WDR27: variants seen among roughly 807,000 people sequenced by gnomAD.
WDR27 encodes WD repeat domain 27, also known as WD repeat-containing protein 27.
A neutral mutation model predicts 114.4 loss-of-function variants in WDR27; 100 were observed. The observed-to-expected ratio is 0.87, with a 90% CI of 0.74 to 1.03. The LOEUF is 1.03. WDR27 is among the 50% of genes least tolerant of loss of function. WDR27 has a pLI of 0.00. For missense variants in WDR27, 1,129 were observed against 1,092.9 expected, an observed-to-expected ratio of 1.03 and a Z score of -0.47; for synonymous variants, 449 against 423.1, an observed-to-expected ratio of 1.06 and a Z score of -0.75.
At chr6:169,573,472 C>T (rs184954191) in intron 24 of WDR27, among the ~76,000 whole-genome samples, 2 of 152,204 alleles carry the variant, frequency 1.3e-5, no homozygotes, top group East Asian at 3.9e-4. Context: ...ATACAGCCCC[C>T]CAGGATGTGA....
At chr6:169,498,536 A>C (rs900974970) in intron 25 of WDR27, among the ~76,000 whole-genome samples, 1 of 152,244 alleles carries the variant, frequency 6.6e-6, no homozygotes, top group Admixed American at 6.5e-5. Flanking sequence ...AAAGCAAAAT[A>C]GGAGAAAATC....
chr6:169,553,790 A>G (rs1277193187), intron 25 of WDR27, among the ~76,000 whole-genome samples: 1 of 152,186 alleles, frequency 6.6e-6, no homozygotes, highest in Non-Finnish European at 1.5e-5. Context: ...TGGGGACGTT[A>G]CCGTTCACAT....
At chr6:169,627,602 C>T (rs1349432692) in intron 21 of WDR27, among the ~76,000 whole-genome samples, 3 of 152,212 alleles carry the variant, frequency 2.0e-5, no homozygotes, top group Non-Finnish European at 4.4e-5. Context: ...CCAGGCCCAG[C>T]GTCTCCATCC....
At chr6:169,655,232 G>A (rs1823795827) in intron 13 of WDR27, among the ~76,000 whole-genome samples, 1 of 152,248 alleles carries the variant, frequency 6.6e-6, no homozygotes, top group Non-Finnish European at 1.5e-5. Flanking sequence ...GGCAGGAGAG[G>A]CGGCGTGTGC....
In WDR27 at chr6:169,544,797, T is replaced by C. The variant is rs145179895; in HGVS notation, c.2645+27622A>G. On this transcript the variant is annotated intron_variant, in intron 25 of 25. Transcript: ENST00000448612. Reference sequence around the variant, plus strand: ...GTGGAAACCAACTTTTAAAACACAGTATTATTTACATTCATTCTAAAGAAA... The same window carrying C: ...GTGGAAACCAACTTTTAAAACACAGCATTATTTACATTCATTCTAAAGAAA... Among the ~76,000 whole-genome samples, 205 of 152,322 alleles carry C rather than the reference T, an allele frequency of 1.3e-3. 4 individuals carry two copies. In the East Asian group the frequency reaches 0.032, roughly 24 times the overall value.
intron 23 of WDR27, among the ~76,000 whole-genome samples, chr6:169,583,895 C>T (rs1025336380): frequency 3.3e-5 from 5 of 152,160 alleles, no homozygotes; most frequent in African/African-American, 1.2e-4. Context: ...TCTATCATCT[C>T]ACATCGCTAC....
rs193028754 is a variant in WDR27 at position 169,476,283 on chromosome 6, G to A, written c.2646-18649C>T. ...AATCCAGGGCTTGTGGCTCTTGAATGTGTCTAGACTTGCTGGCTCCTTGCT... is the reference window on the plus strand; with the variant it reads ...AATCCAGGGCTTGTGGCTCTTGAATATGTCTAGACTTGCTGGCTCCTTGCT... On this transcript the variant is annotated intron_variant, in intron 25 of 25. Transcript: ENST00000448612. Among the ~76,000 whole-genome samples, 284 of 152,310 alleles carry A rather than the reference G, an allele frequency of 1.9e-3. 2 individuals carry two copies. The highest frequency in any genetic ancestry group is 6.6e-3 in the African/African-American group (273 of 41,552).
chr6:169,626,642 C>T (rs565846742), intron 21 of WDR27, among the ~76,000 whole-genome samples: 5 of 152,348 alleles, frequency 3.3e-5, no homozygotes, highest in East Asian at 1.9e-4. Flanking sequence ...GACATCACGC[C>T]GCTTTCCACA....
intron 25 of WDR27, among the ~76,000 whole-genome samples, chr6:169,469,736 C>G (rs1444139907): frequency 2.0e-5 from 3 of 152,332 alleles, no homozygotes; most frequent in Middle Eastern, 3.4e-3. Context: ...AAGCACCTGA[C>G]AGGCTTCCTT....
chr6:169,542,858 A>G (rs1796997085), intron 25 of WDR27, among the ~76,000 whole-genome samples: 1 of 152,104 alleles, frequency 6.6e-6, no homozygotes, highest in Non-Finnish European at 1.5e-5. Context: ...CATATTTTAA[A>G]TAAAGTAATT....
intron 25 of WDR27, among the ~76,000 whole-genome samples, chr6:169,506,064 CAT>C (rs370613237): frequency 7.2e-4 from 110 of 152,286 alleles, no homozygotes; most frequent in African/African-American, 2.6e-3. Flanking sequence ...TGCTTTTGTA[CAT>C]TTTCCTTTGT....
At chr6:169,464,818 G>A (rs1410631439) in intron 25 of WDR27, among the ~76,000 whole-genome samples, 1 of 152,220 alleles carries the variant, frequency 6.6e-6, no homozygotes, top group Non-Finnish European at 1.5e-5. Context: ...AAATGCGCAA[G>A]AAGCACATGA....
chr6:169,473,488 C>T (rs1036949149), intron 25 of WDR27, among the ~76,000 whole-genome samples: 7 of 151,988 alleles, frequency 4.6e-5, no homozygotes, highest in Admixed American at 2.0e-4. Flanking sequence ...AAAGTACAAC[C>T]TAGAATGAGA....
intron 25 of WDR27, among the ~76,000 whole-genome samples, chr6:169,560,549 G>T (rs558358623): frequency 6.6e-6 from 1 of 152,326 alleles, no homozygotes; most frequent in Admixed American, 6.5e-5. Context: ...CAAGGTGTCG[G>T]GCACAGCCAG....
chr6:169,571,964 A>T (rs981788705), intron 25 of WDR27, among the ~76,000 whole-genome samples: 1 of 152,234 alleles, frequency 6.6e-6, no homozygotes, highest in East Asian at 1.9e-4. Flanking sequence ...TGGCACTGTC[A>T]GTCAGGAATT....
chr6:169,572,848 T>G (rs10806670), intron 24 of WDR27, among the ~76,000 whole-genome samples: 86,717 of 152,012 alleles, frequency 0.57, 27,190 homozygotes, highest in Non-Finnish European at 0.69. Flanking sequence ...AAAAAACATT[T>G]TATGCCCAAA....
intron 25 of WDR27, among the ~76,000 whole-genome samples, chr6:169,462,578 C>G (rs2115278113): frequency 6.6e-6 from 1 of 152,222 alleles, no homozygotes. Flanking sequence ...GAATTAACAC[C>G]ATTTTTTCTG....
chr6:169,650,639 T>C (rs993800871), intron 14 of WDR27, among the ~76,000 whole-genome samples: 1 of 138,752 alleles, frequency 7.2e-6, no homozygotes, highest in Non-Finnish European at 1.5e-5. Flanking sequence ...CCATCTCTTA[T>C]CCCTCCATCC....
chr6:169,677,255 T>C (rs567511192), intron 2 of WDR27, among the ~76,000 whole-genome samples: 7 of 152,348 alleles, frequency 4.6e-5, no homozygotes, highest in African/African-American at 1.4e-4. Flanking sequence ...AAGTCTCAGA[T>C]GGAAATGAAC....
Sources: allele counts gnomAD v4.1 joint callset (sites outside exome capture counted in the v4.1 genomes callset), GRCh38; gene constraint gnomAD v4.1.1; transcripts MANE v1.5; gene names NCBI Gene and HGNC (gene_info 2026-07-23, HGNC 2026-07-21).